Variants in DMD observed in about 807,000 individuals in gnomAD.
DMD encodes the protein mutant dystrophin.
In DMD, 63 loss-of-function variants were observed where a neutral mutation model predicts 330.1. That is an observed-to-expected ratio of 0.19 (90% confidence interval 0.16 to 0.24). The LOEUF (loss-of-function observed/expected upper bound fraction) is 0.24. Ranked by LOEUF, DMD falls within the 10% of genes least tolerant of loss-of-function variation. The probability of loss-of-function intolerance (pLI) is 1.00; values close to 1 mark genes in which losing one functional copy is unlikely to be tolerated. For missense variants in DMD, 3,344 were observed against 2,684.1 expected (o/e 1.25, Z -5.43); for synonymous variants, 1,223 against 959.8 (o/e 1.27, Z -5.07).
intron 44 of DMD, among the ~76,000 whole-genome samples, chrX:32,140,289 A>G (rs1407140910): frequency 2.7e-5 from 3 of 112,330 alleles, no homozygotes; most frequent in Non-Finnish European, 5.6e-5. Context: ...AATGGGCTGA[A>G]TTATAACATA....
At chrX:31,317,865 C>T (rs1319451520) in intron 62 of DMD, among the ~76,000 whole-genome samples, 6 of 111,760 alleles carry the variant, frequency 5.4e-5, no homozygotes, top group Non-Finnish European at 9.4e-5. Context: ...TAATAAGAGC[C>T]CATCTCATTG....
Position 32,349,130 on chromosome X carries a change from T to C in DMD, c.5326-602A>G, listed in dbSNP as rs141588678. On this transcript the variant is annotated intron_variant, in intron 37 of 78. Transcript: ENST00000357033. ...AACCTAATATATTTCACATAAAGAATCTATGCTTTTCAACCTTGTAAACAT... is the reference window on the plus strand; with the variant it reads ...AACCTAATATATTTCACATAAAGAACCTATGCTTTTCAACCTTGTAAACAT... Among the ~76,000 whole-genome samples, 1,030 of 111,539 alleles carry C rather than the reference T, an allele frequency of 9.2e-3. 6 individuals carry two copies. The highest frequency in any genetic ancestry group is 0.042 in the East Asian group (148 of 3,515).
upstream of DMD, among the ~76,000 whole-genome samples, chrX:33,213,641 TTTAAC>T (rs1420305349): frequency 8.9e-6 from 1 of 111,751 alleles, no homozygotes; most frequent in Non-Finnish European, 1.9e-5. Flanking sequence ...AAAAATTTAT[TTTAAC>T]TTGTTATTTT....
chrX:32,072,440 A>AT (rs1318109007), intron 44 of DMD, among the ~76,000 whole-genome samples: 1 of 110,785 alleles, frequency 9.0e-6, no homozygotes, highest in African/African-American at 3.3e-5. Flanking sequence ...AAAAAAAAAA[A>AT]TGCTTTACAA....
At chrX:33,030,129 C>T (rs1198632269) in intron 1 of DMD, among the ~76,000 whole-genome samples, 1 of 111,211 alleles carries the variant, frequency 9.0e-6, no homozygotes, top group Non-Finnish European at 1.9e-5. Flanking sequence ...ACATGTATGA[C>T]ATATTAATGC....
chrX:32,802,310 A>T (rs1417176326), intron 7 of DMD, among the ~76,000 whole-genome samples: 1 of 111,356 alleles, frequency 9.0e-6, no homozygotes, highest in Non-Finnish European at 1.9e-5. Flanking sequence ...GCTGTTTATT[A>T]TCGGTGTATA....
At chrX:31,496,097 A>T (rs2069822456) in intron 57 of DMD, among the ~76,000 whole-genome samples, 1 of 112,217 alleles carries the variant, frequency 8.9e-6, no homozygotes, top group African/African-American at 3.2e-5. Context: ...GGTGAAAGAT[A>T]CAGGGAAACT....
intron 2 of DMD, among the ~76,000 whole-genome samples, chrX:32,972,840 G>T (rs1357343364): frequency 1.8e-5 from 2 of 111,825 alleles, no homozygotes; most frequent in Non-Finnish European, 3.8e-5. Context: ...GTGAGGTTAG[G>T]ATGGTACCTT....
intron 1 of DMD, among the ~76,000 whole-genome samples, chrX:33,243,095 C>A (rs751435707): frequency 1.8e-5 from 2 of 111,861 alleles, no homozygotes; most frequent in South Asian, 7.4e-4. Flanking sequence ...TGCAAAAGCT[C>A]TTTAGTTTCA....
chrX:32,855,511 A>G (rs1439659758), intron 2 of DMD, among the ~76,000 whole-genome samples: 1 of 112,154 alleles, frequency 8.9e-6, no homozygotes, highest in Non-Finnish European at 1.9e-5. Flanking sequence ...ACAACTCCAC[A>G]GACCTAAAGT....
intron 76 of DMD, among the ~76,000 whole-genome samples, chrX:31,145,293 T>C (rs961182255): frequency 8.9e-6 from 1 of 111,838 alleles, no homozygotes; most frequent in African/African-American, 3.3e-5. Context: ...CTTTAGCATT[T>C]CACCTTTTTG....
intron 45 of DMD, among the ~76,000 whole-genome samples, chrX:31,963,225 G>A (rs1474116801): frequency 1.8e-5 from 2 of 111,909 alleles, no homozygotes; most frequent in Non-Finnish European, 3.8e-5. Context: ...CAAACAATGA[G>A]CTAAGGTCTT....
chrX:32,685,735 G>A (rs1179281837), intron 9 of DMD, among the ~76,000 whole-genome samples: 1 of 111,338 alleles, frequency 9.0e-6, no homozygotes, highest in Non-Finnish European at 1.9e-5. Flanking sequence ...TAGCTGAATT[G>A]GTATGCAGAT....
intron 5 of DMD, among the ~76,000 whole-genome samples, chrX:32,821,452 T>TG (rs61019958): frequency 2.8e-5 from 3 of 105,628 alleles, no homozygotes; most frequent in Middle Eastern, 5.0e-3. Context: ...CCGGGCGTGG[T>TG]GGGGGGGCGC....
intron 1 of DMD, among the ~76,000 whole-genome samples, chrX:33,240,137 C>A (rs957568565): frequency 2.2e-4 from 25 of 111,177 alleles, no homozygotes; most frequent in African/African-American, 8.2e-4. Context: ...CTATAGTCAC[C>A]ATATTGTACA....
At chrX:32,423,227 C>CTTTT (rs61191281) in intron 29 of DMD, among the ~76,000 whole-genome samples, 1 of 92,425 alleles carries the variant, frequency 1.1e-5, no homozygotes, top group Non-Finnish European at 2.2e-5. Context: ...CTTTATTATT[C>CTTTT]TTTTTTTTTT....
At chrX:32,355,669 C>T (rs1197395826) in intron 37 of DMD, among the ~76,000 whole-genome samples, 1 of 111,103 alleles carries the variant, frequency 9.0e-6, no homozygotes, top group Non-Finnish European at 1.9e-5. Context: ...AAAAAATAAG[C>T]TAACATAAGA....
intron 1 of DMD, among the ~76,000 whole-genome samples, chrX:33,100,303 A>C (rs1206295340): frequency 1.8e-5 from 2 of 112,555 alleles, no homozygotes; most frequent in Non-Finnish European, 3.7e-5. Context: ...TAAACTGTTT[A>C]GAGAAAGGAT....
chrX:31,966,222 T>C (rs918333546), intron 45 of DMD, among the ~76,000 whole-genome samples: 1 of 100,566 alleles, frequency 9.9e-6, no homozygotes, highest in African/African-American at 4.2e-5. Context: ...AGCAATAGGT[T>C]CGTGATTACA....
Sources: allele counts gnomAD v4.1 joint callset (sites outside exome capture counted in the v4.1 genomes callset), GRCh38; gene constraint gnomAD v4.1.1; transcripts MANE v1.5; gene names NCBI Gene and HGNC (gene_info 2026-07-23, HGNC 2026-07-21).